ATP10A: variants seen among roughly 807,000 people sequenced by gnomAD.
The protein encoded by ATP10A is phospholipid-transporting ATPase VA.
In ATP10A, 111 loss-of-function variants were observed where a neutral mutation model predicts 147.8. That is an observed-to-expected ratio of 0.75 (90% CI 0.64 to 0.88). ATP10A has a LOEUF of 0.88. Ranked by LOEUF, ATP10A falls within the 40% of genes least tolerant of loss-of-function variation. The probability of loss-of-function intolerance (pLI) is 0.00; values close to 1 mark genes in which losing one functional copy is unlikely to be tolerated. For synonymous variants in ATP10A, 875 were observed against 841.6 expected (o/e 1.04, Z -0.69); for missense variants, 1,927 against 1,959.0 (o/e 0.98, Z 0.31).
chr15:25,797,652 A>G (rs912124099), intron 1 of ATP10A, among the ~76,000 whole-genome samples: 22 of 152,316 alleles, frequency 1.4e-4, no homozygotes, highest in Non-Finnish European at 2.8e-4. Flanking sequence ...CTCGGGGGAC[A>G]GCCATCCAAG....
chr15:25,785,724 T>G (rs1225115613), intron 1 of ATP10A, among the ~76,000 whole-genome samples: 1 of 152,168 alleles, frequency 6.6e-6, no homozygotes, highest in Non-Finnish European at 1.5e-5. Flanking sequence ...TCTTGAGGCT[T>G]TTATCAGCAC....
chr15:25,830,605 C>T (rs1892314166), intron 1 of ATP10A, among the ~76,000 whole-genome samples: 1 of 152,132 alleles, frequency 6.6e-6, no homozygotes, highest in Middle Eastern at 3.2e-3. Flanking sequence ...TGTCCCTGCA[C>T]TGGCCACATG....
At chr15:25,774,900 T>C (rs532162545) in intron 2 of ATP10A, among the ~76,000 whole-genome samples, 1 of 152,346 alleles carries the variant, frequency 6.6e-6, no homozygotes, top group South Asian at 2.1e-4. Flanking sequence ...ACAGATTTAA[T>C]GTCCTTCAAG....
intron 1 of ATP10A, among the ~76,000 whole-genome samples, chr15:25,795,787 T>C (rs1890644806): frequency 6.6e-6 from 1 of 152,150 alleles, no homozygotes; most frequent in African/African-American, 2.4e-5. Context: ...ATCCCCAGCG[T>C]TAGAGGTGGG....
At chr15:25,847,707 C>T (rs1893089244) in intron 1 of ATP10A, among the ~76,000 whole-genome samples, 1 of 132,880 alleles carries the variant, frequency 7.5e-6, no homozygotes. Context: ...ATCATAATCA[C>T]GTCTCACAGC....
chr15:25,680,625 G>A (rs958975946), intron 19 of ATP10A, among the ~76,000 whole-genome samples, 185 bp downstream of exon 19: 1 of 152,140 alleles, frequency 6.6e-6, no homozygotes, highest in Non-Finnish European at 1.5e-5. Context: ...CGAGCATCAG[G>A]CTGCAGCGGC....
chr15:25,772,988 G>A (rs1889416103), intron 2 of ATP10A, among the ~76,000 whole-genome samples: 1 of 152,142 alleles, frequency 6.6e-6, no homozygotes, highest in Non-Finnish European at 1.5e-5. Context: ...TTATTCATTA[G>A]CAATGGTGAA....
intron 1 of ATP10A, among the ~76,000 whole-genome samples, chr15:25,802,183 G>A (rs1046770015): frequency 1.3e-5 from 2 of 152,152 alleles, no homozygotes; most frequent in South Asian, 4.1e-4. Context: ...AACAGAAATT[G>A]GGCAGAGTGC....
At chr15:25,702,166 C>T (rs1900707873) in intron 12 of ATP10A, 66 bp from the exon 13 acceptor site, 1 of 1,494,196 alleles carries the variant, frequency 6.7e-7, no homozygotes, top group African/African-American at 1.4e-5. Flanking sequence ...TTCTGGGGTG[C>T]AAATGTCATG....
At chr15:25,786,794 T>C in intron 1 of ATP10A, among the ~76,000 whole-genome samples, 2 of 141,872 alleles carry the variant, frequency 1.4e-5, no homozygotes, top group Non-Finnish European at 1.5e-5. Context: ...CCCAGCTAGT[T>C]TTTTTTTTTT....
intron 12 of ATP10A, among the ~76,000 whole-genome samples, chr15:25,707,196 A>G (rs983876806): frequency 6.6e-6 from 1 of 152,208 alleles, no homozygotes; most frequent in African/African-American, 2.4e-5. Context: ...AGAAATGTAG[A>G]TGTAAATATA....
At chr15:25,814,730 C>A (rs545888846) in intron 1 of ATP10A, among the ~76,000 whole-genome samples, 1 of 151,062 alleles carries the variant, frequency 6.6e-6, no homozygotes, top group South Asian at 2.1e-4. Context: ...ACTTAAGCTA[C>A]CGTGCATTGC....
chr15:25,830,570 A>G (rs1892312271), intron 1 of ATP10A, among the ~76,000 whole-genome samples: 1 of 151,870 alleles, frequency 6.6e-6, no homozygotes, highest in Non-Finnish European at 1.5e-5. Flanking sequence ...GGAGACCCAG[A>G]CCCTTTCTCT....
intron 2 of ATP10A, among the ~76,000 whole-genome samples, chr15:25,747,747 T>A (rs1887923265): frequency 6.6e-6 from 1 of 152,184 alleles, no homozygotes; most frequent in African/African-American, 2.4e-5. Flanking sequence ...GTAGTTTGAA[T>A]CTTTCTGCAA....
chr15:25,814,221 G>T (rs1280324421), intron 1 of ATP10A, among the ~76,000 whole-genome samples: 3 of 152,172 alleles, frequency 2.0e-5, no homozygotes, highest in Non-Finnish European at 4.4e-5. Flanking sequence ...GAAGCAAAAA[G>T]ACAGAGGAGC....
intron 1 of ATP10A, among the ~76,000 whole-genome samples, chr15:25,810,164 T>C (rs577385663): frequency 6.6e-6 from 1 of 152,296 alleles, no homozygotes; most frequent in East Asian, 1.9e-4. Context: ...GGGGAGATGA[T>C]GGATGCGGGG....
chr15:25,798,916 T>TA (rs889936609), intron 1 of ATP10A, among the ~76,000 whole-genome samples: 4 of 8,224 alleles, frequency 4.9e-4, no homozygotes, highest in African/African-American at 5.6e-4. Context: ...CTGGCTTGAG[T>TA]GGTTTACTCT....
chr15:25,773,776 C>T (rs1274945655), intron 2 of ATP10A, among the ~76,000 whole-genome samples: 1 of 151,794 alleles, frequency 6.6e-6, no homozygotes, highest in African/African-American at 2.4e-5. Flanking sequence ...GCACTCACAC[C>T]TGTCTGCATA....
intron 2 of ATP10A, among the ~76,000 whole-genome samples, chr15:25,752,848 T>C (rs1888225039): frequency 6.6e-6 from 1 of 152,214 alleles, no homozygotes; most frequent in African/African-American, 2.4e-5. Context: ...AGCAACGTTT[T>C]ATAGTTTTCA....
Sources: gnomAD v4.1 joint callset for allele counts (sites outside exome capture counted in the v4.1 genomes callset) on GRCh38, gnomAD v4.1.1 for gene constraint, MANE v1.5 for transcripts, NCBI Gene and HGNC (gene_info 2026-07-23, HGNC 2026-07-21) for gene names.